PPP6R2: variants seen among roughly 807,000 people sequenced by gnomAD.
PPP6R2 encodes serine/threonine-protein phosphatase 6 regulatory subunit 2.
In PPP6R2, 62 loss-of-function variants were observed where a neutral mutation model predicts 100.2. The ratio of observed to expected loss-of-function variants is 0.62; its 90% CI spans 0.50 to 0.76. PPP6R2 has a LOEUF of 0.76. PPP6R2 is among the 30% of genes least tolerant of loss of function. PPP6R2 has a pLI of 0.00. For missense variants in PPP6R2, 1,142 were observed against 1,276.3 expected (o/e 0.89, Z 1.60); for synonymous variants, 525 against 514.7 (o/e 1.02, Z -0.27).
chr22:50,406,126 T>G (rs1603264020), intron 3 of PPP6R2, among the ~76,000 whole-genome samples: 1 of 67,800 alleles, frequency 1.5e-5, no homozygotes, highest in African/African-American at 6.4e-5. Context: ...GGCAGGCGAG[T>G]GTGAAGGCCT....
In PPP6R2 at chr22:50,441,037, C is replaced by A. The variant is rs763689944; in HGVS notation, c.2579+11C>A. The A allele has an allele frequency of 8.4e-6, 13 of 1,553,278 alleles. No individual in the cohort carries two copies. Among genetic ancestry groups the A allele is most frequent in the South Asian group, 5.8e-5 (5 of 86,146 alleles). ...GGAGGCTGTCGGCAGGTGTGTGGGG[C>A]GTGGCGGGGGCGGGCCTGCCGGGTG... is the stretch of plus-strand genomic sequence containing the variant. On this transcript the variant is annotated intron_variant, in intron 22 of 23. Transcript: ENST00000612753.
chr22:50,383,359 A>G (rs2053532472), intron 2 of PPP6R2, among the ~76,000 whole-genome samples: 1 of 152,174 alleles, frequency 6.6e-6, no homozygotes, highest in Non-Finnish European at 1.5e-5. Flanking sequence ...TGGAAGTCTT[A>G]TTCTGCTGTT....
Position 50,355,159 on chromosome 22 carries a change from C to T in PPP6R2, c.-148+11609C>T, listed in dbSNP as rs1037158880. 3.3e-5 allele frequency among the ~76,000 whole-genome samples: 5 copies of T among 151,576 alleles called. No homozygotes were observed. The East Asian group carries it at 5.9e-4, about 18-fold the overall frequency. ...TGCCTGGCCCAGGATTTCAATTTCA[C>T]GATTTTTGGTTTAGGGATACTCCTC... On this transcript the variant is annotated intron_variant, in intron 1 of 23. Transcript: ENST00000612753.
chr22:50,401,246 C>T (rs959576624), intron 3 of PPP6R2, among the ~76,000 whole-genome samples: 18 of 151,978 alleles, frequency 1.2e-4, no homozygotes, highest in Middle Eastern at 3.4e-3. Context: ...CTGGCTCTGT[C>T]GCCCAGGCTG....
intron 15 of PPP6R2, 31 bp from the exon 16 acceptor site, chr22:50,437,475 G>GTCCGTCCCTCCCTCCC: frequency 3.8e-6 from 3 of 794,148 alleles, no homozygotes; most frequent in Non-Finnish European, 4.6e-6. Flanking sequence ...ACCGGTGTCT[G>GTCCGTCCCTCCCTCCC]TCCGTCCCTC....
In PPP6R2 at chr22:50,406,789, T is replaced by C; in HGVS notation, c.328T>C (p.Leu110=). 2 of 1,614,128 alleles carry C rather than the reference T, an allele frequency of 1.2e-6. No individual in the cohort carries two copies. Among genetic ancestry groups the C allele is most frequent in the Non-Finnish European group, 1.7e-6 (2 of 1,179,984 alleles). ...CCTGCTGAGCCTCCTGTACGACTTC[T>C]TGGACCATGAGCCGCCTCTCAATCC... ...ESLLSLLYDF[L]DHEPPLNPLL... The change falls in exon 4 of 24, where the codon TTG becomes CTG. Residue 110 remains leucine, a synonymous_variant. Coordinates refer to ENST00000612753, the MANE Select transcript of PPP6R2 (RefSeq NM_001242898.2).
chr22:50,335,536 G>A, the PPP6R2 span, among the ~76,000 whole-genome samples: 3 of 149,766 alleles, frequency 2.0e-5, no homozygotes, highest in East Asian at 2.0e-4. Flanking sequence ...TTTTTGAGAC[G>A]AAGTCTCACT....
chr22:50,406,868 C>G lies in PPP6R2; in HGVS notation c.407C>G (p.Thr136Ser). The part of the protein sequence containing the change: ...KTIGNLIARK[T>S]EQVITFLKKK... ...ATTGGCAATCTCATTGCAAGAAAAA[C>G]CGAACAGGTAAATCACGTGCAAAGC... The change falls in exon 4 of 24, where the codon ACC becomes AGC. Residue 136 changes from threonine (T) to serine (S), a missense_variant. Around this residue, in one of 2 missense-constraint regions of PPP6R2, gnomAD observed 592 missense variants for 758.9 expected, o/e 0.78. Coordinates refer to ENST00000612753, the MANE Select transcript of PPP6R2 (RefSeq NM_001242898.2). The G allele has an allele frequency of 6.2e-7, 1 of 1,613,638 alleles. No homozygotes were observed. Among genetic ancestry groups the G allele is most frequent in the Non-Finnish European group, 8.5e-7 (1 of 1,179,584 alleles).
intron 1 of PPP6R2, among the ~76,000 whole-genome samples, chr22:50,348,806 G>A (rs2044327565): frequency 6.6e-6 from 1 of 152,102 alleles, no homozygotes; most frequent in East Asian, 1.9e-4. Context: ...GGTGGTTCAC[G>A]CCTGTAATCC....
At chr22:50,364,900 C>T (rs769575670) in intron 1 of PPP6R2, among the ~76,000 whole-genome samples, 6 of 151,914 alleles carry the variant, frequency 3.9e-5, no homozygotes, top group Non-Finnish European at 8.8e-5. Context: ...TTCTTTATTC[C>T]CTGTTTGTCT....
chr22:50,440,126 G>T (rs1025955634), intron 21 of PPP6R2, 77 bp downstream of exon 21: 30 of 1,363,614 alleles, frequency 2.2e-5, no homozygotes, highest in Non-Finnish European at 2.8e-5. Context: ...CCTCCTTGGG[G>T]GCAGTGGGAG....
At chr22:50,440,128 C>A (rs1373635711) in intron 21 of PPP6R2, 79 bp downstream of exon 21, 6 of 1,358,232 alleles carry the variant, frequency 4.4e-6, no homozygotes, top group Non-Finnish European at 6.1e-6. Context: ...TCCTTGGGGG[C>A]AGTGGGAGGA....
rs758551368 is a variant in PPP6R2, at chr22:50,437,912, G to A, written c.1839+12G>A. ...CTGACGAGGACAGTGTGAGCAAGCC[G>A]GGCTGTGTGGGGTGCCGCCACCCTT... On this transcript the variant is annotated intron_variant, in intron 17 of 23. Coordinates refer to ENST00000612753, the MANE Select transcript of PPP6R2 (RefSeq NM_001242898.2). The A allele has an allele frequency of 1.3e-5, 20 of 1,558,716 alleles. No homozygotes were observed. Among genetic ancestry groups the A allele is most frequent in the South Asian group, 1.2e-4 (10 of 85,474 alleles).
intron 1 of PPP6R2, among the ~76,000 whole-genome samples, chr22:50,347,282 C>T (rs987163115): frequency 3.9e-5 from 6 of 152,088 alleles, no homozygotes; most frequent in African/African-American, 7.2e-5. Context: ...CTCCCCACTG[C>T]TTCTCTCCTG....
intron 3 of PPP6R2, 60 bp from the exon 4 acceptor site, chr22:50,406,629 G>A (rs1280758680): frequency 1.3e-6 from 2 of 1,499,100 alleles, no homozygotes; most frequent in Admixed American, 1.7e-5. Flanking sequence ...TATGTAAGCA[G>A]CTTCCTAAGA....
chr22:50,423,351 C>A lies in PPP6R2; in HGVS notation c.973-111C>A. On this transcript the variant is annotated intron_variant, in intron 9 of 23. Transcript: ENST00000612753. The surrounding 1 kb of genome is among the most constrained non-coding windows in gnomAD (Gnocchi z 4.8). ...CCTGAGGAACCCCCACCACATACCTCGCTACCCCAGGCTGGGTCCCAGCCT... is the reference window on the plus strand; with the variant it reads ...CCTGAGGAACCCCCACCACATACCTAGCTACCCCAGGCTGGGTCCCAGCCT... 1 of 1,378,194 alleles carries A rather than the reference C, an allele frequency of 7.3e-7. No homozygotes were observed. The highest frequency in any genetic ancestry group is 1.0e-6 in the Non-Finnish European group (1 of 1,003,894). The allele number at this position is 1,378,194 out of a possible 1,614,324, so 85.4% of individuals were successfully genotyped here. A position where few individuals can be genotyped will look rare whatever the true frequency, so the allele number is the denominator to read the frequency against.
chr22:50,442,168 C>T (rs2148447514), intron 22 of PPP6R2, among the ~76,000 whole-genome samples: 1 of 152,344 alleles, frequency 6.6e-6, no homozygotes, highest in South Asian at 2.1e-4. Flanking sequence ...ATGCGTCCCA[C>T]CTGTACTACC....
intron 4 of PPP6R2, among the ~76,000 whole-genome samples, chr22:50,412,658 T>G (rs2059924825): frequency 1.0e-5 from 1 of 95,712 alleles, no homozygotes; most frequent in African/African-American, 4.2e-5. Context: ...TTTTTTTTTT[T>G]TGAGACGGAG....
chr22:50,393,600 C>T, intron 2 of PPP6R2: 2 of 967,486 alleles, frequency 2.1e-6, no homozygotes, highest in South Asian at 4.8e-5. Flanking sequence ...GAGGCAGGTC[C>T]TGGAGCTGGG....
Sources: allele counts gnomAD v4.1 joint callset (sites outside exome capture counted in the v4.1 genomes callset), GRCh38; gene constraint gnomAD v4.1.1; regional missense constraint gnomAD v4.1.1; non-coding constraint Gnocchi (gnomAD v3.1); transcripts MANE v1.5; gene names NCBI Gene and HGNC (gene_info 2026-07-23, HGNC 2026-07-21).